CSMD1: variants seen among roughly 807,000 people sequenced by gnomAD.
The protein encoded by CSMD1 is CUB and sushi domain-containing protein 1.
In CSMD1, 213 loss-of-function variants were observed where a neutral mutation model predicts 417.5. The ratio of observed to expected loss-of-function variants is 0.51; its 90% CI spans 0.46 to 0.57. CSMD1 has a LOEUF of 0.57. CSMD1 is among the 20% of genes least tolerant of loss of function. CSMD1 has a pLI of 0.00. For synonymous variants in CSMD1, 2,862 were observed against 1,736.8 expected (o/e 1.65, Z -16.11); for missense variants, 6,923 against 4,529.7 (o/e 1.53, Z -15.17).
chr8:3,706,483 C>G (rs902670816), intron 7 of CSMD1, among the ~76,000 whole-genome samples: 2 of 152,168 alleles, frequency 1.3e-5, no homozygotes, highest in African/African-American at 4.8e-5. Context: ...GATTAATTCC[C>G]ATGCTTGACA....
chr8:4,966,338 C>T (rs1809856052), intron 1 of CSMD1, among the ~76,000 whole-genome samples: 1 of 152,032 alleles, frequency 6.6e-6, no homozygotes, highest in African/African-American at 2.4e-5. Context: ...AAGATCACAC[C>T]ATTGCACTCC....
rs1807256554 is a variant in CSMD1, at chr8:3,000,001, G to A, written c.8160C>T (p.Cys2720=). 3 of 1,608,940 alleles carry A rather than the reference G, an allele frequency of 1.9e-6. No individual in the cohort carries two copies. Among genetic ancestry groups the A allele is most frequent in the Middle Eastern group, 1.7e-4 (1 of 6,060 alleles). ...GTCCAGACCACTTGTGGTCTTGCAG[G>A]CATATCCTCACGGAAGTTCCCACAA... ...FRLVGTSVRI[C]LQDHKWSGQT... is the part of the protein sequence containing the mutation. The change falls in exon 53 of 70, where the codon TGC becomes TGT. Residue 2720 remains cysteine (C), a synonymous_variant. Transcript: ENST00000635120.
At chr8:3,032,331 G>C (rs1467580742) in intron 50 of CSMD1, among the ~76,000 whole-genome samples, 4 of 151,912 alleles carry the variant, frequency 2.6e-5, no homozygotes, top group Non-Finnish European at 4.4e-5. Flanking sequence ...AAACCAAGAG[G>C]ATGCCAGACC....
At chr8:3,759,740 C>CAA (rs1188168101) in intron 5 of CSMD1, among the ~76,000 whole-genome samples, 24,398 of 116,154 alleles carry the variant, frequency 0.21, 2,633 homozygotes, top group African/African-American at 0.32. Context: ...CTAAAAATAC[C>CAA]AAAAAAAAAA....
In CSMD1 at chr8:3,065,295, A is replaced by ATAGG. The variant is rs532715255; in HGVS notation, c.7475-12649_7475-12648insCCTA. ...TGGAATATGATACATAGATAGATAG[A>ATAGG]TAGATAGGTAGATAGATAGATAGAC... On this transcript the variant is annotated intron_variant, in intron 49 of 69. Transcript: ENST00000635120. Among the ~76,000 whole-genome samples, 29 of 139,318 alleles carry ATAGG rather than the reference A, an allele frequency of 2.1e-4. No individual in the cohort carries two copies. The South Asian group carries it at 3.5e-3, about 17-fold the overall frequency. 91.4% of individuals were successfully genotyped at this position (139,318 alleles called of 152,430 possible).
intron 2 of CSMD1, among the ~76,000 whole-genome samples, chr8:4,598,028 A>G (rs767023147): frequency 1.3e-4 from 19 of 151,870 alleles, no homozygotes; most frequent in Non-Finnish European, 2.6e-4. Context: ...TCTTTAGAAC[A>G]TTTATCAATA....
At chr8:3,632,015 G>A (rs528584608) in intron 7 of CSMD1, among the ~76,000 whole-genome samples, 4 of 152,070 alleles carry the variant, frequency 2.6e-5, no homozygotes, top group Non-Finnish European at 5.9e-5. Flanking sequence ...CTAACCATAG[G>A]TTAACTCATC....
chr8:4,283,586 T>G (rs1796903280), intron 3 of CSMD1, among the ~76,000 whole-genome samples: 1 of 152,192 alleles, frequency 6.6e-6, no homozygotes, highest in Non-Finnish European at 1.5e-5. Flanking sequence ...AACATGTAAT[T>G]TAGGAAACCC....
At chr8:4,787,317 A>G in intron 1 of CSMD1, 1 of 717,568 alleles carries the variant, frequency 1.4e-6, no homozygotes, top group Non-Finnish European at 2.6e-6. Context: ...CGCAGCCCTC[A>G]GCCCACTCAG....
At position 3,219,381 on chromosome 8, in the gene CSMD1, G is replaced by T. The variant is rs1014386803; in HGVS notation, c.4546C>A (p.Pro1516Thr). ...GAGCCCTGGTAACTCCCAATGAGGG[G>T]GCTGTTGGAATCTTCCCCTTCATAG... is the stretch of plus-strand genomic sequence containing the variant. ...HIYEGEDSNSPLIGSYQGSQA... is the reference protein window; with the variant it reads ...HIYEGEDSNSTLIGSYQGSQA... Residue 1516 changes from proline (P) to threonine (T), a missense_variant, in exon 29 of 70, where the codon CCC becomes ACC. Transcript: ENST00000635120. 2 of 1,567,536 alleles carry T rather than the reference G, an allele frequency of 1.3e-6. No homozygotes were observed. The highest frequency in any genetic ancestry group is 3.8e-5 in the Admixed American group (2 of 52,874).
chr8:3,525,252 G>C (rs535398384), intron 10 of CSMD1, among the ~76,000 whole-genome samples: 2 of 152,208 alleles, frequency 1.3e-5, no homozygotes, highest in South Asian at 2.1e-4. Context: ...CTGGAACTGA[G>C]GGTCCTTAAA....
At chr8:3,703,374 G>A (rs1215146166) in intron 7 of CSMD1, among the ~76,000 whole-genome samples, 1 of 150,984 alleles carries the variant, frequency 6.6e-6, no homozygotes, top group East Asian at 2.0e-4. Flanking sequence ...ATCAGATTAG[G>A]AGGCATAAAT....
At chr8:3,958,388 C>G (rs1465394683) in intron 5 of CSMD1, among the ~76,000 whole-genome samples, 3 of 149,398 alleles carry the variant, frequency 2.0e-5, no homozygotes, top group Admixed American at 2.0e-4. Context: ...CTCTAGGAAA[C>G]CAAAAAGGAG....
At chr8:3,840,692 A>ATT (rs1803076386) in intron 5 of CSMD1, among the ~76,000 whole-genome samples, 12 of 138,966 alleles carry the variant, frequency 8.6e-5, no homozygotes, top group African/African-American at 2.8e-4. Context: ...TCTTTTTTTT[A>ATT]ATTTTTTTTT....
intron 2 of CSMD1, among the ~76,000 whole-genome samples, chr8:4,468,838 T>C (rs1425080567): frequency 2.0e-5 from 3 of 152,130 alleles, no homozygotes; most frequent in Non-Finnish European, 2.9e-5. Context: ...CAAACAGCAA[T>C]TGAATTATCA....
chr8:4,812,488 G>C (rs1035797775), intron 1 of CSMD1, among the ~76,000 whole-genome samples: 1 of 152,112 alleles, frequency 6.6e-6, no homozygotes, highest in Non-Finnish European at 1.5e-5. Context: ...TAAGTTGACA[G>C]ATATCCCAAA....
chr8:3,770,242 AGGCAACTG>A (rs1265114839), intron 5 of CSMD1, among the ~76,000 whole-genome samples: 2 of 152,162 alleles, frequency 1.3e-5, no homozygotes, highest in Admixed American at 6.5e-5. Flanking sequence ...AGAAAATACT[AGGCAACTG>A]GGCACAGTGT....
intron 1 of CSMD1, chr8:4,788,212 C>A: frequency 1.3e-6 from 2 of 1,587,404 alleles, no homozygotes; most frequent in East Asian, 2.2e-5. Context: ...TGAGTAACAT[C>A]TGCGCATAAA....
intron 3 of CSMD1, among the ~76,000 whole-genome samples, chr8:4,111,852 C>T (rs988174065): frequency 6.6e-6 from 1 of 151,978 alleles, no homozygotes; most frequent in Non-Finnish European, 1.5e-5. Flanking sequence ...TGATAGGTGC[C>T]GCAAACCAAC....
Sources: gnomAD v4.1 joint callset for allele counts (sites outside exome capture counted in the v4.1 genomes callset) on GRCh38, gnomAD v4.1.1 for gene constraint, MANE v1.5 for transcripts, NCBI Gene and HGNC (gene_info 2026-07-23, HGNC 2026-07-21) for gene names.